The following PSMB1 variants were observed in gnomAD, a reference collection of about 807,000 sequenced individuals.
PSMB1 encodes the protein proteasome 20S subunit beta 1.
PSMB1 carries 7 observed loss-of-function variants against 25.4 expected under a neutral mutation model. That is an observed-to-expected ratio of 0.28 (90% CI 0.16 to 0.52). PSMB1 has a LOEUF of 0.52. Among genes scored for constraint, PSMB1 ranks in the 20% least tolerant of loss-of-function variants. The probability of loss-of-function intolerance (pLI) is 0.97; values close to 1 mark genes in which losing one functional copy is unlikely to be tolerated. For synonymous variants in PSMB1, 119 were observed against 115.0 expected (o/e 1.03, Z -0.22); for missense variants, 284 against 302.2 (o/e 0.94, Z 0.45).
intron 4 of PSMB1, among the ~76,000 whole-genome samples, chr6:170,541,929 G>C (rs943313737): frequency 1.3e-5 from 2 of 152,146 alleles, no homozygotes; most frequent in African/African-American, 4.8e-5. Context: ...TGGCAGCTCA[G>C]CTATTTTTAA....
At chr6:170,539,482 T>C (rs1363815287) in intron 4 of PSMB1, among the ~76,000 whole-genome samples, 1 of 152,172 alleles carries the variant, frequency 6.6e-6, no homozygotes, top group East Asian at 1.9e-4. Context: ...CAACAGTTAA[T>C]ATATGAATCA....
intron 4 of PSMB1, among the ~76,000 whole-genome samples, chr6:170,538,373 C>A (rs1213515935): frequency 6.6e-6 from 1 of 152,194 alleles, no homozygotes; most frequent in African/African-American, 2.4e-5. Context: ...TGTACAACTG[C>A]CACTGTTAGC....
intron 4 of PSMB1, among the ~76,000 whole-genome samples, chr6:170,537,702 T>C (rs1778711794): frequency 6.6e-6 from 1 of 152,080 alleles, no homozygotes; most frequent in African/African-American, 2.4e-5. Context: ...CAGGTAAAGA[T>C]GACAAGAGAA....
At chr6:170,550,456 A>T (rs926432812) in intron 1 of PSMB1, 4 of 152,270 alleles carry the variant, frequency 2.6e-5, no homozygotes, top group Non-Finnish European at 4.4e-5. Flanking sequence ...CTGTAGTTGT[A>T]ACTACTCAAG....
chr6:170,541,906 T>C (rs756518), intron 4 of PSMB1, among the ~76,000 whole-genome samples: 77,172 of 152,026 alleles, frequency 0.51, 20,137 homozygotes, highest in East Asian at 0.78. Context: ...CTGTCTGGCC[T>C]GCTGAAATTC....
intron 4 of PSMB1, among the ~76,000 whole-genome samples, chr6:170,537,781 T>C (rs957751270): frequency 6.6e-6 from 1 of 152,210 alleles, no homozygotes; most frequent in Non-Finnish European, 1.5e-5. Flanking sequence ...GCCATGGTAG[T>C]AGGTAAGGAC....
intron 3 of PSMB1, among the ~76,000 whole-genome samples, chr6:170,544,280 A>G (rs923132370): frequency 6.6e-6 from 1 of 152,210 alleles, no homozygotes; most frequent in Non-Finnish European, 1.5e-5. Context: ...TTTGTGGAGC[A>G]GATCTCTGTG....
chr6:170,546,258 T>C, intron 2 of PSMB1, 74 bp from the exon 3 acceptor site: 1 of 1,238,790 alleles, frequency 8.1e-7, no homozygotes, highest in Non-Finnish European at 1.2e-6. Context: ...AATTTTAAAT[T>C]TAAAATTCTG....
chr6:170,537,892 G>C (rs1778714143), intron 4 of PSMB1, among the ~76,000 whole-genome samples: 1 of 152,154 alleles, frequency 6.6e-6, no homozygotes, highest in Non-Finnish European at 1.5e-5. Flanking sequence ...TTTATTTCTT[G>C]GCTCTCCTAA....
At chr6:170,541,055 C>T (rs1778753429) in intron 4 of PSMB1, among the ~76,000 whole-genome samples, 1 of 152,004 alleles carries the variant, frequency 6.6e-6, no homozygotes, top group Admixed American at 6.5e-5. Flanking sequence ...AAAGCAAAGT[C>T]TCAAAAAGGT....
intron 4 of PSMB1, among the ~76,000 whole-genome samples, chr6:170,540,127 C>A (rs1583113409): frequency 6.6e-6 from 1 of 152,200 alleles, no homozygotes; most frequent in East Asian, 1.9e-4. Flanking sequence ...AGATTAAAGA[C>A]AGAGAGGTTA....
intron 2 of PSMB1, 110 bp downstream of exon 2, chr6:170,548,896 C>T (rs1158873387): frequency 1.3e-6 from 1 of 779,472 alleles, no homozygotes; most frequent in Non-Finnish European, 2.1e-6. Context: ...TAAAAATGCT[C>T]CCAACAGCAA....
rs746756179 is a variant in PSMB1 at position 170,543,739 on chromosome 6, A to G, written c.304-9T>C. On this transcript the variant is annotated splice_polypyrimidine_tract_variant and intron_variant, in intron 3 of 5. Coordinates refer to ENST00000262193, the MANE Select transcript of PSMB1 (RefSeq NM_002793.4). ...TTGGAATGCTTATACATCTGCAATT[A>G]TTGATAAAAGTCACAGGCATGTAGA... The G allele has an allele frequency of 6.2e-7, 1 of 1,603,696 alleles. No homozygotes were observed. Among genetic ancestry groups the G allele is most frequent in the African/African-American group, 1.3e-5 (1 of 74,522 alleles).
At chr6:170,538,128 A>T (rs1031422694) in intron 4 of PSMB1, among the ~76,000 whole-genome samples, 8 of 152,242 alleles carry the variant, frequency 5.3e-5, no homozygotes, top group African/African-American at 1.7e-4. Context: ...GAGGCAAGAA[A>T]AGAAGGGAAT....
intron 1 of PSMB1, among the ~76,000 whole-genome samples, chr6:170,551,562 G>A (rs1356597192): frequency 6.6e-6 from 1 of 152,178 alleles, no homozygotes; most frequent in Non-Finnish European, 1.5e-5. Flanking sequence ...GGATTAAAAA[G>A]TGAGTAACGA....
intron 3 of PSMB1, among the ~76,000 whole-genome samples, chr6:170,544,718 T>G (rs566100642): frequency 3.3e-5 from 5 of 152,044 alleles, no homozygotes; most frequent in African/African-American, 1.2e-4. Flanking sequence ...AATAGACAGA[T>G]AGATATCTAA....
chr6:170,536,454 GCA>G (rs1302216881), intron 5 of PSMB1: 2 of 456,576 alleles, frequency 4.4e-6, no homozygotes, highest in East Asian at 1.4e-4. Flanking sequence ...TCCCCAAGAA[GCA>G]GGGAAAGTTA....
intron 5 of PSMB1, among the ~76,000 whole-genome samples, chr6:170,536,684 C>G (rs1176439907): frequency 1.3e-5 from 2 of 152,298 alleles, no homozygotes; most frequent in Non-Finnish European, 1.5e-5. Flanking sequence ...GAATACAGCA[C>G]ATAATACATA....
Position 170,551,028 on chromosome 6 carries a change from C to A in PSMB1, c.114-1915G>T, listed in dbSNP as rs188891282. On this transcript the variant is annotated intron_variant, in intron 1 of 5. Transcript: ENST00000262193. Reference sequence around the variant, plus strand: ...GGCGTGGTGGCAGGCACCTGTAATCCCAGCTACTCGGGAGGCTGAGGCAGA... The same window carrying A: ...GGCGTGGTGGCAGGCACCTGTAATCACAGCTACTCGGGAGGCTGAGGCAGA... Among the ~76,000 whole-genome samples the A allele has an allele frequency of 1.4e-4, 21 of 151,988 alleles. No individual in the cohort carries two copies. In the East Asian group the frequency reaches 3.7e-3, roughly 27 times the overall value.
Sources: gnomAD v4.1 joint callset for allele counts (sites outside exome capture counted in the v4.1 genomes callset) on GRCh38, gnomAD v4.1.1 for gene constraint, MANE v1.5 for transcripts, NCBI Gene and HGNC (gene_info 2026-07-23, HGNC 2026-07-21) for gene names.